The following ASRGL1 variants were observed in gnomAD, a reference collection of about 807,000 sequenced individuals.
ASRGL1 encodes isoaspartyl peptidase/L-asparaginase.
ASRGL1 carries 16 observed loss-of-function variants against 22.4 expected under a neutral mutation model. That is an observed-to-expected ratio of 0.71 (90% CI 0.48 to 1.08). The LOEUF is 1.08. Among genes scored for constraint, ASRGL1 ranks in the 50% least tolerant of loss-of-function variants. ASRGL1 has a pLI of 0.00. For synonymous variants in ASRGL1, 165 were observed against 159.3 expected, an observed-to-expected ratio of 1.04 and a Z score of -0.27; for missense variants, 412 against 410.1, an observed-to-expected ratio of 1.00 and a Z score of -0.04.
At chr11:62,393,842 C>G (rs1442727542), downstream of ASRGL1, among the ~76,000 whole-genome samples, 1 of 151,678 alleles carries the variant, frequency 6.6e-6, no homozygotes, top group Non-Finnish European at 1.5e-5. Context: ...AAGGTGTCGG[C>G]CACGTTGGTG....
At chr11:62,357,231 T>TTTGTA in intron 4 of ASRGL1, 87 bp downstream of exon 4, 1 of 904,062 alleles carries the variant, frequency 1.1e-6, no homozygotes, top group Non-Finnish European at 1.6e-6. Context: ...GTTCTTTTGT[T>TTTGTA]TTGTTTTGTT....
chr11:62,368,430 G>A (rs1946674089), intron 4 of ASRGL1, among the ~76,000 whole-genome samples: 2 of 152,140 alleles, frequency 1.3e-5, no homozygotes. Context: ...ATACACAGGT[G>A]TATAATTGCT....
chr11:62,390,999 C>G lies in ASRGL1; in HGVS notation c.611-523C>G, dbSNP rs1207901386. Among the ~76,000 whole-genome samples the G allele has an allele frequency of 2.0e-5, 3 of 152,176 alleles. No homozygotes were observed. In the South Asian group the frequency reaches 6.2e-4, roughly 31 times the overall value. On this transcript the variant is annotated intron_variant, in intron 5 of 6. Transcript: ENST00000415229. ...CAAAGTAGCTTTCACTCCAGACCCC[C>G]ACTTAAGTGGATAGCCCAGAATAGT...
intron 2 of ASRGL1, among the ~76,000 whole-genome samples, chr11:62,339,826 G>T (rs1945820960): frequency 6.6e-6 from 1 of 152,124 alleles, no homozygotes; most frequent in South Asian, 2.1e-4. Context: ...TAAGATCTAG[G>T]CTAGAGATTG....
rs1307938367 is a variant in ASRGL1, at chr11:62,337,907, G to A, written c.-71G>A. ...CCCCACAGGGTCTCCCGAGGACCTT[G>A]TACCCGCGCGGCTTCCTTGGGCTGG... On this transcript the variant is annotated 5_prime_UTR_variant, in exon 2 of 7. Coordinates refer to ENST00000415229, the MANE Select transcript of ASRGL1 (RefSeq NM_001083926.2). 2 of 1,506,544 alleles carry A rather than the reference G, an allele frequency of 1.3e-6. No homozygotes were observed. Among genetic ancestry groups the A allele is most frequent in the South Asian group, 2.5e-5 (2 of 79,720 alleles). The allele number at this position is 1,506,544 out of a possible 1,614,324, so 93.3% of individuals were successfully genotyped here. A position where few individuals can be genotyped will look rare whatever the true frequency, so the allele number is the denominator to read the frequency against.
At chr11:62,360,185 G>A (rs1362473557) in intron 4 of ASRGL1, among the ~76,000 whole-genome samples, 3 of 151,488 alleles carry the variant, frequency 2.0e-5, no homozygotes, top group African/African-American at 7.3e-5. Context: ...GCGCCACCAC[G>A]CCTGGGTAAT....
chr11:62,363,771 T>C (rs1287573686), intron 4 of ASRGL1, among the ~76,000 whole-genome samples: 1 of 152,202 alleles, frequency 6.6e-6, no homozygotes, highest in Non-Finnish European at 1.5e-5. Flanking sequence ...CTTCTCTAAA[T>C]TAAAATTAAT....
chr11:62,382,236 AG>A, intron 4 of ASRGL1: 1 of 151,846 alleles, frequency 6.6e-6, no homozygotes, highest in South Asian at 2.1e-4. Flanking sequence ...AAGTGGGCCC[AG>A]GGGACCGGTG....
intron 2 of ASRGL1, among the ~76,000 whole-genome samples, chr11:62,342,687 G>C (rs188488011): frequency 6.6e-6 from 1 of 152,110 alleles, no homozygotes; most frequent in Admixed American, 6.5e-5. Flanking sequence ...GAACCCAGAA[G>C]GGGGAGGTTG....
At chr11:62,340,426 T>G (rs1945835448) in intron 2 of ASRGL1, among the ~76,000 whole-genome samples, 1 of 152,206 alleles carries the variant, frequency 6.6e-6, no homozygotes, top group South Asian at 2.1e-4. Flanking sequence ...AACCTTACGC[T>G]TCTTAGCACT....
chr11:62,341,919 A>C (rs1033989672), intron 2 of ASRGL1, among the ~76,000 whole-genome samples: 1 of 152,160 alleles, frequency 6.6e-6, no homozygotes, highest in Non-Finnish European at 1.5e-5. Context: ...GTATGTTTGA[A>C]ATGTTTGTTT....
chr11:62,344,250 T>C (rs1945953968), intron 2 of ASRGL1, among the ~76,000 whole-genome samples: 1 of 152,168 alleles, frequency 6.6e-6, no homozygotes, highest in Admixed American at 6.5e-5. Flanking sequence ...TTTTTGTTGG[T>C]GTTGTTTCTT....
downstream of ASRGL1, among the ~76,000 whole-genome samples, chr11:62,397,322 C>A (rs1194011440): frequency 6.6e-6 from 1 of 151,872 alleles, no homozygotes; most frequent in East Asian, 1.9e-4. Flanking sequence ...GCCACCGTGC[C>A]CGGCCAAGAA....
At position 62,337,829 on chromosome 11, in the gene ASRGL1, C is replaced by T. The variant is rs368745953; in HGVS notation, c.-88-61C>T. 4.2e-5 allele frequency: 35 copies of T among 833,308 alleles called. No individual in the cohort carries two copies. The African/African-American group carries it at 5.2e-4, about 12-fold the overall frequency. 51.6% of individuals were successfully genotyped at this position (833,308 alleles called of 1,614,324 possible). A position where few individuals can be genotyped will look rare whatever the true frequency, so the allele number is the denominator to read the frequency against. On this transcript the variant is annotated intron_variant, in intron 1 of 6. Transcript: ENST00000415229. Reference sequence around the variant, plus strand: ...CGTACCAAGCTCGACCGAGCCGCCCCTACCCACCCCCAGCTGCGAACCCAG... The same window carrying T: ...CGTACCAAGCTCGACCGAGCCGCCCTTACCCACCCCCAGCTGCGAACCCAG...
chr11:62,380,171 G>A (rs755002156), intron 4 of ASRGL1, among the ~76,000 whole-genome samples: 3 of 152,024 alleles, frequency 2.0e-5, no homozygotes, highest in Non-Finnish European at 2.9e-5. Context: ...TTCCATCATA[G>A]GCTTTTACGT....
the ASRGL1 span, among the ~76,000 whole-genome samples, chr11:62,399,395 G>C: frequency 6.6e-6 from 1 of 152,244 alleles, no homozygotes; most frequent in African/African-American, 2.4e-5. Flanking sequence ...TGTGATTGCA[G>C]ATCTTCTGCT....
Position 62,363,125 on chromosome 11 carries a change from G to A in ASRGL1, c.491+5981G>A, listed in dbSNP as rs373004231. 7.3e-5 allele frequency among the ~76,000 whole-genome samples: 11 copies of A among 150,900 alleles called. 1 individual carries two copies. The highest frequency in any genetic ancestry group is 4.0e-4 in the Admixed American group (6 of 15,040). Reference sequence around the variant, plus strand: ...ATTTTTTGTATTTTTAGTAGAGACGGGGTTTCACCATGTTAGCCAGGATGG... The same window carrying A: ...ATTTTTTGTATTTTTAGTAGAGACGAGGTTTCACCATGTTAGCCAGGATGG... On this transcript the variant is annotated intron_variant, in intron 4 of 6. Transcript: ENST00000415229.
downstream of ASRGL1, among the ~76,000 whole-genome samples, chr11:62,395,009 C>T (rs1471919614): frequency 6.6e-6 from 1 of 152,186 alleles, no homozygotes; most frequent in Non-Finnish European, 1.5e-5. Flanking sequence ...GGGCAGCAAA[C>T]TATAAACTAT....
At chr11:62,352,250 A>C (rs1946184302) in intron 2 of ASRGL1, among the ~76,000 whole-genome samples, 1 of 152,182 alleles carries the variant, frequency 6.6e-6, no homozygotes, top group Non-Finnish European at 1.5e-5. Flanking sequence ...GTCATGGAGC[A>C]GTGAGCACAC....
Sources: gnomAD v4.1 joint callset for allele counts (sites outside exome capture counted in the v4.1 genomes callset) on GRCh38, gnomAD v4.1.1 for gene constraint, MANE v1.5 for transcripts, NCBI Gene and HGNC (gene_info 2026-07-23, HGNC 2026-07-21) for gene names.